MTM1: variants seen among roughly 807,000 people sequenced by gnomAD.
The protein encoded by MTM1 is myotubularin 1.
Under a neutral mutation model 52.1 loss-of-function variants are expected in MTM1, and 9 were observed. That is an observed-to-expected ratio of 0.17 (90% confidence interval 0.10 to 0.30). The LOEUF (loss-of-function observed/expected upper bound fraction) is 0.30, where lower values mean the gene tolerates loss of function less well. Ranked by LOEUF, MTM1 falls within the 10% of genes least tolerant of loss-of-function variation. The pLI is 1.00. For missense variants in MTM1, 277 were observed against 470.7 expected, an observed-to-expected ratio of 0.59 and a Z score of 3.81; for synonymous variants, 136 against 163.8, an observed-to-expected ratio of 0.83 and a Z score of 1.29.
At chrX:150,660,867 C>T (rs2040208081) in intron 13 of MTM1, among the ~76,000 whole-genome samples, 1 of 111,313 alleles carries the variant, frequency 9.0e-6, no homozygotes, top group South Asian at 3.8e-4. Context: ...AACAACTCAG[C>T]TGTCTTGGTA....
intron 14 of MTM1, among the ~76,000 whole-genome samples, chrX:150,670,582 T>C (rs1351935845): frequency 9.0e-6 from 1 of 111,253 alleles, no homozygotes; most frequent in Non-Finnish European, 1.9e-5. Context: ...AGCCCTCAAA[T>C]TGGAAAAAAG....
chrX:150,578,059 G>A (rs2038504006), intron 1 of MTM1, among the ~76,000 whole-genome samples: 1 of 111,575 alleles, frequency 9.0e-6, no homozygotes, highest in Non-Finnish European at 1.9e-5. Flanking sequence ...TATAATTAAG[G>A]TCACAACCAG....
At chrX:150,667,715 A>C (rs1387448422) in intron 14 of MTM1, among the ~76,000 whole-genome samples, 1 of 112,418 alleles carries the variant, frequency 8.9e-6, no homozygotes, top group Non-Finnish European at 1.9e-5. Context: ...CACAGTGATC[A>C]TAGGGAGAAT....
At chrX:150,583,383 A>AT (rs1316721228) in intron 1 of MTM1, among the ~76,000 whole-genome samples, 5 of 15,648 alleles carry the variant, frequency 3.2e-4, no homozygotes, top group Admixed American at 1.7e-3. Context: ...TATTATATAT[A>AT]ATATAATATA....
rs1557414608 is a variant in MTM1 at position 150,659,769 on chromosome X, A to T, written c.1353+13A>T. ...AATGTCAAAACAGGTAAGGAATATG[A>T]GGGATGAAAATACATTCAACTCATT... On this transcript the variant is annotated intron_variant, in intron 12 of 14. Transcript: ENST00000370396. 1 of 1,131,526 alleles carries T rather than the reference A, an allele frequency of 8.8e-7. No homozygotes were observed. Among genetic ancestry groups the T allele is most frequent in the Admixed American group, 2.2e-5 (1 of 45,921 alleles). 93.3% of individuals were successfully genotyped at this position (1,131,526 alleles called of 1,213,427 possible). A position where few individuals can be genotyped will look rare whatever the true frequency, so the allele number is the denominator to read the frequency against.
At chrX:150,594,708 G>A (rs952811693) in intron 2 of MTM1, among the ~76,000 whole-genome samples, 2 of 111,744 alleles carry the variant, frequency 1.8e-5, no homozygotes, top group Non-Finnish European at 3.8e-5. Flanking sequence ...ATGCTGCTCT[G>A]GTATAATGTA....
Position 150,671,512 on chromosome X carries a change from G to A in MTM1, c.1729G>A (p.Ala577Thr), listed in dbSNP as rs148195763. The A allele has an allele frequency of 1.9e-5, 23 of 1,208,588 alleles. No homozygotes were observed. In the African/African-American group the frequency reaches 2.8e-4, roughly 15 times the overall value. The change falls in exon 15 of 15, where the codon GCC becomes ACC. Residue 577 changes from alanine (A) to threonine (T), a missense_variant. Transcript: ENST00000370396. Reference sequence around the variant, plus strand: ...AAAGCGGCTTGAGGAACTGCAGCTCGCCAACTCTGCCAAGCTTTCTGATCC... The same window carrying A: ...AAAGCGGCTTGAGGAACTGCAGCTCACCAACTCTGCCAAGCTTTCTGATCC... ...YIKRLEELQLANSAKLSDPPT... is the reference protein window; with the variant it reads ...YIKRLEELQLTNSAKLSDPPT...
chrX:150,574,581 AAC>A (rs1557411569), intron 1 of MTM1, among the ~76,000 whole-genome samples: 8 of 112,702 alleles, frequency 7.1e-5, no homozygotes. Context: ...TAATATATTT[AAC>A]ACAGCATGTG....
At chrX:150,583,458 AATT>A (rs1325106801) in intron 1 of MTM1, among the ~76,000 whole-genome samples, 1 of 30,692 alleles carries the variant, frequency 3.3e-5, no homozygotes, top group East Asian at 1.2e-3. Flanking sequence ...TATTATATAT[AATT>A]ATAAATATAT....
At chrX:150,615,769 C>T (rs1034304189) in intron 5 of MTM1, among the ~76,000 whole-genome samples, 1 of 112,085 alleles carries the variant, frequency 8.9e-6, no homozygotes, top group Non-Finnish European at 1.9e-5. Context: ...GATCAAGACT[C>T]GTTTTTTCTA....
intron 1 of MTM1, among the ~76,000 whole-genome samples, chrX:150,584,968 A>G (rs1190879765): frequency 9.1e-6 from 1 of 110,358 alleles, no homozygotes; most frequent in Non-Finnish European, 1.9e-5. Context: ...CTTCCCAAAT[A>G]TTTTTGATCC....
At position 150,666,657 on chromosome X, in the gene MTM1, G is replaced by A. The variant is rs76013789; in HGVS notation, c.1644+3048G>A. Reference sequence around the variant, plus strand: ...ATGTGGAGACTTGGAATAGTAAGAAGGTGGCAATGTAACACATCCCTATGA... The same window carrying A: ...ATGTGGAGACTTGGAATAGTAAGAAAGTGGCAATGTAACACATCCCTATGA... On this transcript the variant is annotated intron_variant, in intron 14 of 14. Transcript: ENST00000370396. Among the ~76,000 whole-genome samples, 945 of 111,949 alleles carry A rather than the reference G, an allele frequency of 8.4e-3. 19 individuals are homozygous for A. Among genetic ancestry groups the A allele is most frequent in the Admixed American group, 0.063 (663 of 10,505 alleles).
intron 10 of MTM1, among the ~76,000 whole-genome samples, chrX:150,653,428 G>A (rs1413500234): frequency 3.6e-5 from 4 of 111,952 alleles, no homozygotes; most frequent in South Asian, 3.7e-4. Flanking sequence ...TGGATAATCC[G>A]GAATAATCTG....
chrX:150,647,197 A>ATATATATATG (rs782813166), intron 9 of MTM1, among the ~76,000 whole-genome samples: 3 of 40,256 alleles, frequency 7.5e-5, no homozygotes, highest in African/African-American at 1.8e-4. Context: ...CAGGGTGAAT[A>ATATATATATG]TATATATATA....
intron 1 of MTM1, among the ~76,000 whole-genome samples, chrX:150,571,335 C>T (rs1298479225): frequency 9.0e-6 from 1 of 111,631 alleles, no homozygotes; most frequent in Admixed American, 9.5e-5. Context: ...GGATAGGGAC[C>T]GTCATTTGCC....
intron 14 of MTM1, among the ~76,000 whole-genome samples, chrX:150,664,077 A>G (rs2040267260): frequency 8.9e-6 from 1 of 112,231 alleles, no homozygotes; most frequent in Admixed American, 9.4e-5. Flanking sequence ...TACTCTGTCA[A>G]TGGTAGTAAA....
chrX:150,606,009 A>G (rs2039151055), intron 4 of MTM1, among the ~76,000 whole-genome samples: 1 of 97,807 alleles, frequency 1.0e-5, no homozygotes, highest in African/African-American at 3.6e-5. Context: ...TTCCTTGAAG[A>G]AAAAAAAAAA....
chrX:150,629,820 G>A (rs1451917062), intron 6 of MTM1, among the ~76,000 whole-genome samples: 1 of 111,381 alleles, frequency 9.0e-6, no homozygotes, highest in Non-Finnish European at 1.9e-5. Flanking sequence ...CCTCCTCATA[G>A]ACAACCCAGG....
chrX:150,607,444 C>T (rs222358), intron 4 of MTM1, among the ~76,000 whole-genome samples: 30,599 of 111,155 alleles, frequency 0.28, 3,328 homozygotes, highest in South Asian at 0.51. Flanking sequence ...TTCTTGTGGT[C>T]TGGCTTCTGT....
Sources: gnomAD v4.1 joint callset for allele counts (sites outside exome capture counted in the v4.1 genomes callset) on GRCh38, gnomAD v4.1.1 for gene constraint, MANE v1.5 for transcripts, NCBI Gene and HGNC (gene_info 2026-07-23, HGNC 2026-07-21) for gene names.